RHCE: variants seen among roughly 807,000 people sequenced by gnomAD.
The protein encoded by RHCE is blood group Rh(CE) polypeptide.
RHCE carries 22 observed loss-of-function variants against 43.8 expected under a neutral mutation model. The observed-to-expected ratio is 0.50, with a 90% CI of 0.36 to 0.72. The LOEUF (loss-of-function observed/expected upper bound fraction) is 0.72. Among genes scored for constraint, RHCE ranks in the 30% least tolerant of loss-of-function variants. RHCE has a pLI of 0.00. For synonymous variants in RHCE, 156 were observed against 210.7 expected (o/e 0.74, Z 2.25); for missense variants, 385 against 525.4 (o/e 0.73, Z 2.61).
intron 1 of RHCE, among the ~76,000 whole-genome samples, chr1:25,415,842 G>A (rs1227406158): frequency 6.6e-6 from 1 of 151,590 alleles, no homozygotes; most frequent in East Asian, 1.9e-4. Context: ...CTAGCTCCAG[G>A]AATTCTCGAA....
intron 3 of RHCE, among the ~76,000 whole-genome samples, chr1:25,396,043 C>T (rs1243526509): frequency 6.6e-6 from 1 of 151,528 alleles, no homozygotes; most frequent in Admixed American, 6.6e-5. Context: ...AGTAATGGGG[C>T]AAATTGATAG....
At chr1:25,379,648 A>G (rs538942922) in intron 7 of RHCE, among the ~76,000 whole-genome samples, 3 of 144,388 alleles carry the variant, frequency 2.1e-5, no homozygotes, top group Admixed American at 6.8e-5. Flanking sequence ...AGGACTACAG[A>G]CGTGTGCCAC....
chr1:25,412,300 C>T (rs1647105306), intron 1 of RHCE, among the ~76,000 whole-genome samples: 4 of 152,208 alleles, frequency 2.6e-5, no homozygotes, highest in Non-Finnish European at 5.9e-5. Flanking sequence ...GTCTGTAACA[C>T]ATAGGAGTTG....
At chr1:25,411,937 T>C (rs563831476) in intron 1 of RHCE, among the ~76,000 whole-genome samples, 7 of 152,230 alleles carry the variant, frequency 4.6e-5, no homozygotes, top group Non-Finnish European at 7.3e-5. Flanking sequence ...TCCAGACTTA[T>C]TGAAGATTCC....
chr1:25,379,481 ATATATATATATATATTTTT>A (rs1193735247), intron 7 of RHCE, among the ~76,000 whole-genome samples: 23 of 17,888 alleles, frequency 1.3e-3, no homozygotes, highest in African/African-American at 6.1e-3. Flanking sequence ...ATATATATAT[ATATATATATATATATTTTT>A]TTTTTTTTTT....
chr1:25,421,738 A>G (rs679259), upstream of RHCE, among the ~76,000 whole-genome samples: 1 of 152,162 alleles, frequency 6.6e-6, no homozygotes. Flanking sequence ...GGTAAGTGTC[A>G]AGGAAGGAAG....
At chr1:25,371,483 A>C (rs1300556957) in intron 8 of RHCE, among the ~76,000 whole-genome samples, 1 of 150,716 alleles carries the variant, frequency 6.6e-6, no homozygotes, top group Non-Finnish European at 1.5e-5. Flanking sequence ...CAACCCCCCC[A>C]CCTCAGCCTC....
intron 3 of RHCE, among the ~76,000 whole-genome samples, chr1:25,397,297 G>A (rs1177550388): frequency 6.7e-6 from 1 of 149,324 alleles, no homozygotes; most frequent in Non-Finnish European, 1.5e-5. Flanking sequence ...AGGAGTTTGA[G>A]ACCAGCCTGG....
intron 7 of RHCE, among the ~76,000 whole-genome samples, chr1:25,382,931 T>G (rs373097631): frequency 2.0e-5 from 3 of 152,298 alleles, no homozygotes; most frequent in Non-Finnish European, 4.4e-5. Context: ...AAGAAAACTG[T>G]GTTACTAGCT....
At chr1:25,411,546 A>AC (rs984306211) in intron 1 of RHCE, 2 of 1,302,948 alleles carry the variant, frequency 1.5e-6, no homozygotes, top group African/African-American at 3.0e-5. Context: ...GATATAGGAG[A>AC]CCCCCAAGGA....
At chr1:25,421,001 T>G (rs2042753351), upstream of RHCE, 3 of 608,800 alleles carry the variant, frequency 4.9e-6, no homozygotes, top group Non-Finnish European at 5.7e-6. Flanking sequence ...TCCAATATTG[T>G]CATTCATTCA....
intron 1 of RHCE, among the ~76,000 whole-genome samples, chr1:25,415,521 G>A (rs1414094025): frequency 5.3e-5 from 8 of 152,020 alleles, no homozygotes; most frequent in African/African-American, 1.2e-4. Flanking sequence ...GCGTGGTGGC[G>A]CATGCCTGTA....
At chr1:25,401,917 C>T (rs1279417524) in intron 3 of RHCE, among the ~76,000 whole-genome samples, 1 of 151,864 alleles carries the variant, frequency 6.6e-6, no homozygotes, top group African/African-American at 2.4e-5. Context: ...GCTCTTGTCC[C>T]CCAGGCTGCA....
At chr1:25,404,584 G>A (rs1247400245) in intron 2 of RHCE, among the ~76,000 whole-genome samples, 2 of 148,876 alleles carry the variant, frequency 1.3e-5, no homozygotes, top group Non-Finnish European at 3.0e-5. Context: ...GCCGGCGGCG[G>A]TATTTCATTC....
intron 1 of RHCE, among the ~76,000 whole-genome samples, chr1:25,411,913 C>G (rs1647091312): frequency 6.6e-6 from 1 of 152,156 alleles, no homozygotes; most frequent in Admixed American, 6.5e-5. Flanking sequence ...TGTAGCAATG[C>G]TATATGCATA....
chr1:25,379,755 G>A (rs1297952441), intron 7 of RHCE, among the ~76,000 whole-genome samples: 1 of 151,896 alleles, frequency 6.6e-6, no homozygotes, highest in Non-Finnish European at 1.5e-5. Context: ...GCTCACTGCA[G>A]CCTCAAACTC....
At chr1:25,404,703 T>C (rs1646861652) in intron 2 of RHCE, among the ~76,000 whole-genome samples, 1 of 151,846 alleles carries the variant, frequency 6.6e-6, no homozygotes, top group Admixed American at 6.6e-5. Context: ...TCAGACACTT[T>C]CTGGCTGTGT....
chr1:25,399,051 G>T, intron 3 of RHCE: 1 of 1,605,094 alleles, frequency 6.2e-7, no homozygotes. Context: ...TGGACAAGTT[G>T]TTACTGACTA....
intron 8 of RHCE, among the ~76,000 whole-genome samples, chr1:25,370,771 CAG>C (rs1230560301): frequency 7.2e-6 from 1 of 139,160 alleles, no homozygotes; most frequent in Non-Finnish European, 1.6e-5. Flanking sequence ...TATTTTGAGA[CAG>C]AGTCTCACTC....
Sources: gnomAD v4.1 joint callset for allele counts (sites outside exome capture counted in the v4.1 genomes callset) on GRCh38, gnomAD v4.1.1 for gene constraint, MANE v1.5 for transcripts, NCBI Gene and HGNC (gene_info 2026-07-23, HGNC 2026-07-21) for gene names.